Variants in EHMT1 observed in about 807,000 individuals in gnomAD.
The protein encoded by EHMT1 is euchromatic histone lysine methyltransferase 1.
Under a neutral mutation model 147.2 loss-of-function variants are expected in EHMT1, and 15 were observed. That is an observed-to-expected ratio of 0.10 (90% CI 0.07 to 0.16). The LOEUF (loss-of-function observed/expected upper bound fraction) is 0.16. EHMT1 is among the 10% of genes least tolerant of loss of function. EHMT1 has a pLI of 1.00. For synonymous variants in EHMT1, 795 were observed against 709.6 expected, an observed-to-expected ratio of 1.12 and a Z score of -1.91; for missense variants, 1,587 against 1,772.4, an observed-to-expected ratio of 0.90 and a Z score of 1.88.
chr9:137,668,467 A>G (rs1264297522), intron 1 of EHMT1, among the ~76,000 whole-genome samples: 1 of 152,110 alleles, frequency 6.6e-6, no homozygotes, highest in Non-Finnish European at 1.5e-5. Context: ...ACATCCATCT[A>G]TTCACCAACC....
chr9:137,628,018 T>C (rs1327247067), intron 1 of EHMT1, among the ~76,000 whole-genome samples: 1 of 152,216 alleles, frequency 6.6e-6, no homozygotes, highest in Non-Finnish European at 1.5e-5. Context: ...CCATTTTTGG[T>C]GGACCTTTTT....
At chr9:137,758,036 C>G in intron 9 of EHMT1, 25 bp downstream of exon 9, 2 of 1,613,894 alleles carry the variant, frequency 1.2e-6, no homozygotes, top group South Asian at 1.1e-5. Context: ...GTAACTTAGA[C>G]CGGGCACCAT....
intron 18 of EHMT1, among the ~76,000 whole-genome samples, chr9:137,804,683 T>C (rs1422081299): frequency 3.9e-5 from 6 of 152,268 alleles, no homozygotes; most frequent in Non-Finnish European, 8.8e-5. Flanking sequence ...CTCCCACATT[T>C]TCTTATACGA....
At chr9:137,704,687 T>C (rs1944103362) in intron 1 of EHMT1, among the ~76,000 whole-genome samples, 1 of 152,082 alleles carries the variant, frequency 6.6e-6, no homozygotes, top group Admixed American at 6.5e-5. Flanking sequence ...GGATTTTGTA[T>C]TTAAAAGGCC....
chr9:137,658,621 C>T (rs1360555969), intron 1 of EHMT1, among the ~76,000 whole-genome samples: 1 of 149,244 alleles, frequency 6.7e-6, no homozygotes, highest in Non-Finnish European at 1.5e-5. Context: ...ATGAATTTTT[C>T]TTTTTTTTTG....
intron 1 of EHMT1, among the ~76,000 whole-genome samples, chr9:137,670,309 C>T (rs1415527037): frequency 3.3e-5 from 5 of 152,118 alleles, no homozygotes; most frequent in Admixed American, 1.3e-4. Flanking sequence ...AGACCTTGCA[C>T]CTCCACCCCC....
rs1488554495 is a variant in EHMT1, at chr9:137,729,599, A to AAAT, written c.823+1070_823+1071insAAT. 1.1e-3 allele frequency among the ~76,000 whole-genome samples: 165 copies of AAAT among 151,166 alleles called. 1 individual carries two copies. The highest frequency in any genetic ancestry group is 3.9e-3 in the African/African-American group (159 of 41,140). ...AAGACTCCATCTCAAAAAAAAAAAA[A>AAAT]TTTTTTTTAATTTAAGTATTTTCAG... On this transcript the variant is annotated intron_variant, in intron 4 of 26. Coordinates refer to ENST00000460843, the MANE Select transcript of EHMT1 (RefSeq NM_024757.5).
At chr9:137,712,683 C>G (rs1944852050) in intron 2 of EHMT1, among the ~76,000 whole-genome samples, 2 of 152,114 alleles carry the variant, frequency 1.3e-5, no homozygotes, top group Admixed American at 6.6e-5. Flanking sequence ...CCTTATCAGC[C>G]ATGGGATTTG....
chr9:137,791,855 C>T lies in EHMT1; in HGVS notation c.2505+885C>T, dbSNP rs1952550943. Among the ~76,000 whole-genome samples, 3 of 152,172 alleles carry T rather than the reference C, an allele frequency of 2.0e-5. No individual in the cohort carries two copies. In the South Asian group the frequency reaches 6.2e-4, roughly 32 times the overall value. On this transcript the variant is annotated intron_variant, in intron 16 of 26. Transcript: ENST00000460843. ...CAAGCAATTCTCCTGCCTCAGCCTC[C>T]CTAGTAGCTGAGATTACAGGCACGC... is the stretch of plus-strand genomic sequence containing the variant.
intron 2 of EHMT1, among the ~76,000 whole-genome samples, chr9:137,711,796 G>A (rs192922828): frequency 6.6e-6 from 1 of 152,190 alleles, no homozygotes; most frequent in African/African-American, 2.4e-5. Context: ...TGAAGGGAGA[G>A]TGGTGTTCTG....
At chr9:137,627,088 A>G (rs1843309533) in intron 1 of EHMT1, among the ~76,000 whole-genome samples, 1 of 151,738 alleles carries the variant, frequency 6.6e-6, no homozygotes, top group Non-Finnish European at 1.5e-5. Context: ...ACCCCCTAGT[A>G]GCTGGGATTA....
At chr9:137,679,522 C>T (rs990145024) in intron 1 of EHMT1, among the ~76,000 whole-genome samples, 3 of 152,112 alleles carry the variant, frequency 2.0e-5, no homozygotes, top group Non-Finnish European at 4.4e-5. Context: ...TCACAGAAGG[C>T]GCTGGGAGGT....
At chr9:137,758,930 A>G (rs1188980626) in intron 9 of EHMT1, among the ~76,000 whole-genome samples, 1 of 152,140 alleles carries the variant, frequency 6.6e-6, no homozygotes, top group African/African-American at 2.4e-5. Context: ...GATCGAGACC[A>G]TCCTGGCTGA....
rs200849773 is a variant in EHMT1, at chr9:137,800,936, C to T, written c.2664C>T (p.Leu888=). 5.0e-6 allele frequency: 8 copies of T among 1,614,120 alleles called. No individual in the cohort carries two copies. The highest frequency in any genetic ancestry group is 1.1e-5 in the South Asian group (1 of 91,076). Residue 888 remains leucine (L), a synonymous_variant, in exon 18 of 27, where the codon CTC becomes CTT. Coordinates refer to ENST00000460843, the MANE Select transcript of EHMT1 (RefSeq NM_024757.5). ...CCACAGAGTACAAGCACGTGGACCT[C>T]GTGAAGCTGCTGCTGTCCAAGGGCT... is the stretch of plus-strand genomic sequence containing the variant. ...IWATEYKHVD[L]VKLLLSKGSD... is the part of the protein sequence containing the mutation.
chr9:137,714,555 ATTTTTTTTT>A (rs35445261), intron 2 of EHMT1, among the ~76,000 whole-genome samples: 43 of 84,208 alleles, frequency 5.1e-4, no homozygotes, highest in African/African-American at 1.9e-3. Context: ...CAGTTTGCTC[ATTTTTTTTT>A]TTTTTTTTTT....
chr9:137,679,923 T>G (rs1589234642), intron 1 of EHMT1, among the ~76,000 whole-genome samples: 1 of 152,216 alleles, frequency 6.6e-6, no homozygotes, highest in Non-Finnish European at 1.5e-5. Context: ...GTTTTATGAT[T>G]CTTTCACTCA....
intron 25 of EHMT1, among the ~76,000 whole-genome samples, chr9:137,831,447 G>A (rs1270202219): frequency 3.9e-5 from 6 of 152,160 alleles, no homozygotes; most frequent in South Asian, 2.1e-4. Context: ...ATAATGTTGC[G>A]TACAAGTCAA....
chr9:137,743,746 G>A (rs1002199719), intron 5 of EHMT1, among the ~76,000 whole-genome samples, 156 bp from the exon 6 acceptor site: 3 of 152,126 alleles, frequency 2.0e-5, no homozygotes, highest in Non-Finnish European at 1.5e-5. Flanking sequence ...CCTGTCTGCC[G>A]GGCTCTTCTC....
chr9:137,834,857 C>T lies in EHMT1; in HGVS notation c.3801C>T (p.Ser1267=), dbSNP rs775985514. The change falls in exon 27 of 27, where the codon AGC becomes AGT. Residue 1267 remains serine (S), a synonymous_variant. Transcript: ENST00000460843. ...RCGSPKCRHS[S]AALAQRQASA... ...GCTCCCCCAAGTGCCGGCACTCGAG[C>T]GCGGCCCTGGCCCAGCGTCAGGCCA... 4 of 1,611,698 alleles carry T rather than the reference C, an allele frequency of 2.5e-6. No homozygotes were observed. The highest frequency in any genetic ancestry group is 2.2e-5 in the South Asian group (2 of 91,030).
Sources: allele counts gnomAD v4.1 joint callset (sites outside exome capture counted in the v4.1 genomes callset), GRCh38; gene constraint gnomAD v4.1.1; transcripts MANE v1.5; gene names NCBI Gene and HGNC (gene_info 2026-07-23, HGNC 2026-07-21).